The following TSPAN18 variants were observed in gnomAD, a reference collection of about 807,000 sequenced individuals.
TSPAN18 encodes tetraspanin 18, also known as tetraspanin-18.
Under a neutral mutation model 27.3 loss-of-function variants are expected in TSPAN18, and 14 were observed. The observed-to-expected ratio is 0.51, with a 90% CI of 0.34 to 0.80. TSPAN18 has a LOEUF of 0.80. Ranked by LOEUF, TSPAN18 falls within the 30% of genes least tolerant of loss-of-function variation. TSPAN18 has a pLI of 0.01. For synonymous variants in TSPAN18, 143 were observed against 136.5 expected, an observed-to-expected ratio of 1.05 and a Z score of -0.33; for missense variants, 268 against 323.9, an observed-to-expected ratio of 0.83 and a Z score of 1.32.
Position 44,920,410 on chromosome 11 carries a change from C to T in TSPAN18, c.615+411C>T, listed in dbSNP as rs147904791. 3.4e-3 allele frequency among the ~76,000 whole-genome samples: 524 copies of T among 152,294 alleles called. 5 individuals carry two copies. The highest frequency in any genetic ancestry group is 5.4e-3 in the Non-Finnish European group (364 of 68,018). ...GGAAGCTCTTATTTGCCATGTGGGG[C>T]ACCCTAAGGGAGCAAGGTCTCCTTG... On this transcript the variant is annotated intron_variant, in intron 8 of 9. Coordinates refer to ENST00000520358, the MANE Select transcript of TSPAN18 (RefSeq NM_130783.5).
At chr11:44,820,720 G>A (rs1856910146) in intron 2 of TSPAN18, among the ~76,000 whole-genome samples, 1 of 152,028 alleles carries the variant, frequency 6.6e-6, no homozygotes, top group Non-Finnish European at 1.5e-5. Flanking sequence ...GTGGTGGAGT[G>A]GAAGGTGTTT....
At chr11:44,746,818 G>A (rs1855087946) in intron 1 of TSPAN18, among the ~76,000 whole-genome samples, 1 of 152,208 alleles carries the variant, frequency 6.6e-6, no homozygotes, top group African/African-American at 2.4e-5. Flanking sequence ...GTGTGCCTGG[G>A]CAGCAGAGAT....
chr11:44,910,248 T>A (rs1564995945), intron 5 of TSPAN18, among the ~76,000 whole-genome samples: 1 of 152,220 alleles, frequency 6.6e-6, no homozygotes, highest in African/African-American at 2.4e-5. Flanking sequence ...TCTCTCCCAC[T>A]TCATTTTGCT....
At chr11:44,872,183 G>A (rs977221654) in intron 3 of TSPAN18, among the ~76,000 whole-genome samples, 11 of 151,800 alleles carry the variant, frequency 7.2e-5, no homozygotes, top group Non-Finnish European at 2.9e-5. Flanking sequence ...CACCTGCCTC[G>A]ACCTCCCAAA....
At chr11:44,853,897 G>T (rs1313547116) in intron 2 of TSPAN18, among the ~76,000 whole-genome samples, 2 of 152,178 alleles carry the variant, frequency 1.3e-5, no homozygotes, top group East Asian at 3.8e-4. Context: ...AGATTAATGA[G>T]AGGGCAGGGG....
intron 2 of TSPAN18, among the ~76,000 whole-genome samples, chr11:44,809,234 C>T (rs555041852): frequency 5.3e-5 from 8 of 152,192 alleles, no homozygotes; most frequent in African/African-American, 1.7e-4. Flanking sequence ...TACACACACC[C>T]ATCATGCACT....
At position 44,909,890 on chromosome 11, in the gene TSPAN18, G is replaced by A. The variant is rs752247492; in HGVS notation, c.249G>A (p.Leu83=). The stretch of plus-strand genomic sequence containing the variant: ...GGGCCGTCCGTGAGAACAAGTGTCT[G>A]CTGCTATTTGTGAGTACCCCAGCCC... ...CCGAVRENKC[L]LLFFFLFILI... is the part of the protein sequence containing the mutation. The change falls in exon 5 of 10, where the codon CTG becomes CTA. Residue 83 remains leucine, a synonymous_variant. Coordinates refer to ENST00000520358, the MANE Select transcript of TSPAN18 (RefSeq NM_130783.5). 1 of 1,611,704 alleles carries A rather than the reference G, an allele frequency of 6.2e-7. No homozygotes were observed. The highest frequency in any genetic ancestry group is 1.1e-5 in the South Asian group (1 of 90,932).
chr11:44,877,159 C>T (rs930177077), intron 3 of TSPAN18, among the ~76,000 whole-genome samples: 2 of 152,254 alleles, frequency 1.3e-5, no homozygotes, highest in African/African-American at 4.8e-5. Flanking sequence ...CATCCCGCTG[C>T]CAAACAGTCG....
chr11:44,763,795 G>A (rs1414526790), intron 1 of TSPAN18, among the ~76,000 whole-genome samples: 1 of 152,072 alleles, frequency 6.6e-6, no homozygotes, highest in Non-Finnish European at 1.5e-5. Context: ...CAGGCTCTGG[G>A]GACGCTATCC....
chr11:44,762,603 A>G (rs183978977), intron 1 of TSPAN18, among the ~76,000 whole-genome samples: 2 of 152,018 alleles, frequency 1.3e-5, no homozygotes. Context: ...GGTCATACCT[A>G]TATATACACA....
intron 2 of TSPAN18, among the ~76,000 whole-genome samples, chr11:44,808,413 T>G (rs1195964223): frequency 6.6e-6 from 1 of 152,224 alleles, no homozygotes; most frequent in Non-Finnish European, 1.5e-5. Flanking sequence ...CCTATGCCTG[T>G]GTAAAGACAG....
Position 44,730,710 on chromosome 11 carries a change from G to A in TSPAN18, c.-240+3423G>A, listed in dbSNP as rs559761940. On this transcript the variant is annotated intron_variant, in intron 1 of 9. Coordinates refer to ENST00000520358, the MANE Select transcript of TSPAN18 (RefSeq NM_130783.5). ...GCGATCTTGGCTCACTGCAACCTCT[G>A]CCTCCCGAGTTCAAGCGATTCTCCT... is the stretch of plus-strand genomic sequence containing the variant. Among the ~76,000 whole-genome samples, 3 of 151,054 alleles carry A rather than the reference G, an allele frequency of 2.0e-5. No homozygotes were observed. The East Asian group carries it at 5.9e-4, about 30-fold the overall frequency.
In TSPAN18 at chr11:44,855,799, C is replaced by T. The variant is rs7951910; in HGVS notation, c.-152-4529C>T. ...CCTTATCCCCATCCACCCCACCCCC[C>T]ACCATGCCCTGCCCATCCTCCTTCC... On this transcript the variant is annotated intron_variant, in intron 2 of 9. Transcript: ENST00000520358. 5.9e-5 allele frequency among the ~76,000 whole-genome samples: 9 copies of T among 151,288 alleles called. No homozygotes were observed. The East Asian group carries it at 9.8e-4, about 16-fold the overall frequency.
At chr11:44,893,701 C>T (rs967046580) in intron 3 of TSPAN18, among the ~76,000 whole-genome samples, 1 of 152,242 alleles carries the variant, frequency 6.6e-6, no homozygotes, top group Non-Finnish European at 1.5e-5. Context: ...TTAGTTTCCT[C>T]ATCCCTAAAA....
At chr11:44,885,421 G>A (rs1392713635) in intron 3 of TSPAN18, among the ~76,000 whole-genome samples, 2 of 152,104 alleles carry the variant, frequency 1.3e-5, no homozygotes, top group Non-Finnish European at 2.9e-5. Flanking sequence ...CTTATCCCTG[G>A]GCTTCCTGGT....
At chr11:44,888,738 TG>T (rs1373661150) in intron 3 of TSPAN18, among the ~76,000 whole-genome samples, 3 of 152,166 alleles carry the variant, frequency 2.0e-5, no homozygotes, top group Non-Finnish European at 4.4e-5. Context: ...GCTGTAGAAT[TG>T]GGGTAACCTC....
intron 2 of TSPAN18, among the ~76,000 whole-genome samples, chr11:44,807,216 AAAAAAAAAAAAAAAAAAAAAG>A (rs1565158377): frequency 7.2e-5 from 4 of 55,704 alleles, no homozygotes; most frequent in African/African-American, 7.6e-5. Flanking sequence ...AAAAAAAAAA[AAAAAAAAAAAAAAAAAAAAAG>A]AAGGAAAGAG....
At chr11:44,924,325 C>T (rs1209907478) in intron 8 of TSPAN18, among the ~76,000 whole-genome samples, 1 of 152,130 alleles carries the variant, frequency 6.6e-6, no homozygotes, top group Non-Finnish European at 1.5e-5. Context: ...ACAGCAATCC[C>T]ATGAGGTAAT....
intron 1 of TSPAN18, among the ~76,000 whole-genome samples, chr11:44,742,549 C>T (rs996607379): frequency 2.0e-5 from 3 of 152,096 alleles, no homozygotes; most frequent in Non-Finnish European, 4.4e-5. Context: ...AGAACCTGCT[C>T]GGCCATACCC....
Sources: allele counts gnomAD v4.1 joint callset (sites outside exome capture counted in the v4.1 genomes callset), GRCh38; gene constraint gnomAD v4.1.1; transcripts MANE v1.5; gene names NCBI Gene and HGNC (gene_info 2026-07-23, HGNC 2026-07-21).